Variants in PLB1 observed in about 807,000 individuals in gnomAD.
The protein encoded by PLB1 is phospholipase B1, membrane-associated.
Under a neutral mutation model 227.4 loss-of-function variants are expected in PLB1, and 242 were observed. The observed-to-expected ratio is 1.06, with a 90% confidence interval of 0.96 to 1.18. The LOEUF (loss-of-function observed/expected upper bound fraction) is 1.18, where lower values mean the gene tolerates loss of function less well. Ranked by LOEUF, PLB1 falls within the 50% of genes most tolerant of loss-of-function variation. The probability of loss-of-function intolerance (pLI) is 0.00; values close to 1 mark genes in which losing one functional copy is unlikely to be tolerated. For missense variants in PLB1, 1,858 were observed against 1,816.3 expected (o/e 1.02, Z -0.42); for synonymous variants, 757 against 682.2 (o/e 1.11, Z -1.71).
chr2:28,574,344 C>G (rs547923496), intron 21 of PLB1, among the ~76,000 whole-genome samples: 1 of 125,236 alleles, frequency 8.0e-6, no homozygotes, highest in African/African-American at 2.7e-5. Flanking sequence ...TCACCCCCCC[C>G]ACCCTTCCTC....
At chr2:28,544,161 G>T (rs918145732) in intron 14 of PLB1, among the ~76,000 whole-genome samples, 4 of 152,044 alleles carry the variant, frequency 2.6e-5, no homozygotes, top group African/African-American at 9.7e-5. Flanking sequence ...GAGGGAAGGG[G>T]CACGGCCTCC....
At chr2:28,574,001 C>T (rs761795289) in intron 21 of PLB1, among the ~76,000 whole-genome samples, 15 of 152,206 alleles carry the variant, frequency 9.9e-5, no homozygotes, top group Admixed American at 9.2e-4. Flanking sequence ...TCCCTGGGCA[C>T]GGCCAGGCCG....
At chr2:28,606,435 A>G in intron 42 of PLB1, 61 bp from the exon 43 acceptor site, 2 of 1,507,398 alleles carry the variant, frequency 1.3e-6, no homozygotes, top group African/African-American at 2.8e-5. Context: ...TCTGCCAGGG[A>G]ATGTTCACTT....
chr2:28,519,431 G>A (rs1423395775), intron 3 of PLB1, among the ~76,000 whole-genome samples: 1 of 152,200 alleles, frequency 6.6e-6, no homozygotes, highest in Non-Finnish European at 1.5e-5. Flanking sequence ...GAAAATGAAG[G>A]CCATGAGTGA....
intron 26 of PLB1, among the ~76,000 whole-genome samples, chr2:28,587,732 C>T (rs1351896662): frequency 5.3e-5 from 8 of 152,194 alleles, no homozygotes; most frequent in Admixed American, 5.2e-4. Context: ...GATGTTTTGC[C>T]ATCCCTGACA....
At chr2:28,603,286 A>T (rs1407230540) in intron 39 of PLB1, among the ~76,000 whole-genome samples, 1 of 152,208 alleles carries the variant, frequency 6.6e-6, no homozygotes, top group Non-Finnish European at 1.5e-5. Context: ...GGTACAAGCA[A>T]CTCAGTTACC....
At position 28,606,575 on chromosome 2, in the gene PLB1, G is replaced by A. The variant is rs751779494; in HGVS notation, c.3129+8G>A. On this transcript the variant is annotated splice_region_variant and intron_variant, in intron 43 of 57. Transcript: ENST00000327757. Reference sequence around the variant, plus strand: ...ATCACCTGTCCCACTCAGGTAGTAGGGGAGGACCTGCCTGGCTCCTCTCCA... The same window carrying A: ...ATCACCTGTCCCACTCAGGTAGTAGAGGAGGACCTGCCTGGCTCCTCTCCA... 1.2e-6 allele frequency: 2 copies of A among 1,613,634 alleles called. No individual in the cohort carries two copies. Among genetic ancestry groups the A allele is most frequent in the South Asian group, 2.2e-5 (2 of 91,058 alleles).
intron 54 of PLB1, 68 bp from the exon 55 acceptor site, chr2:28,631,968 C>A: frequency 7.5e-7 from 1 of 1,330,182 alleles, no homozygotes; most frequent in Non-Finnish European, 1.1e-6. Context: ...CAATCCAAGG[C>A]AGCAGGACTG....
intron 18 of PLB1, among the ~76,000 whole-genome samples, chr2:28,563,418 G>GGT (rs1291639954): frequency 1.3e-5 from 2 of 152,104 alleles, no homozygotes; most frequent in Non-Finnish European, 2.9e-5. Context: ...GCTGGTCAGC[G>GGT]GTGGGGCAGG....
intron 20 of PLB1, among the ~76,000 whole-genome samples, chr2:28,568,200 A>G (rs1677379587): frequency 6.6e-6 from 1 of 152,140 alleles, no homozygotes; most frequent in African/African-American, 2.4e-5. Flanking sequence ...CAGTTCCTCT[A>G]TTGCTAGGAG....
intron 56 of PLB1, among the ~76,000 whole-genome samples, chr2:28,636,755 AAC>A (rs1299550906): frequency 6.6e-6 from 1 of 152,170 alleles, no homozygotes; most frequent in Non-Finnish European, 1.5e-5. Context: ...AACAAACTTC[AAC>A]AACATACAAT....
chr2:28,577,985 ATTTT>A lies in PLB1; in HGVS notation c.1434-121_1434-118del, dbSNP rs1197683759. Reference sequence around the variant, plus strand: ...AGCTCTGCGACACGGCCTTCAGTCCATTTTCCTGCAGGAGGCCCACCCTGGGCCT... The same window carrying A: ...AGCTCTGCGACACGGCCTTCAGTCCACCTGCAGGAGGCCCACCCTGGGCCT... On this transcript the variant is annotated intron_variant, in intron 21 of 57. Coordinates refer to ENST00000327757, the MANE Select transcript of PLB1 (RefSeq NM_153021.5). 8 of 914,538 alleles carry A rather than the reference ATTTT, an allele frequency of 8.7e-6. No individual in the cohort carries two copies. The African/African-American group carries it at 1.3e-4, about 15-fold the overall frequency. 56.7% of individuals were successfully genotyped at this position (914,538 alleles called of 1,614,324 possible). A position where few individuals can be genotyped will look rare whatever the true frequency, so the allele number is the denominator to read the frequency against.
intron 38 of PLB1, among the ~76,000 whole-genome samples, chr2:28,602,592 C>T (rs1448993045): frequency 6.6e-6 from 1 of 152,228 alleles, no homozygotes; most frequent in East Asian, 1.9e-4. Context: ...TTTATTGTCC[C>T]ACTCCAGGAG....
At chr2:28,598,106 C>T (rs1683263477) in intron 34 of PLB1, 58 bp downstream of exon 34, 12 of 1,486,488 alleles carry the variant, frequency 8.1e-6, no homozygotes, top group Non-Finnish European at 1.1e-5. Context: ...GGCCCCTTGG[C>T]TTCCCGAAAG....
At chr2:28,601,877 C>T (rs1683962754) in intron 37 of PLB1, 22 bp from the exon 38 acceptor site, 1 of 1,577,418 alleles carries the variant, frequency 6.3e-7, no homozygotes, top group Non-Finnish European at 8.7e-7. Flanking sequence ...TCCTCCTTTT[C>T]CTCCTTCCTG....
chr2:28,554,852 T>C (rs1182129430), intron 17 of PLB1, among the ~76,000 whole-genome samples: 2 of 152,088 alleles, frequency 1.3e-5, no homozygotes, highest in Non-Finnish European at 2.9e-5. Flanking sequence ...AAGATTAGTG[T>C]GTTTATCAGT....
intron 56 of PLB1, among the ~76,000 whole-genome samples, chr2:28,633,846 A>G (rs2148344615): frequency 6.6e-6 from 1 of 152,324 alleles, no homozygotes; most frequent in South Asian, 2.1e-4. Flanking sequence ...GGGTAACACA[A>G]TCCCCACCCC....
At chr2:28,618,477 A>G in intron 46 of PLB1, 78 bp downstream of exon 46, 3 of 1,451,112 alleles carry the variant, frequency 2.1e-6, no homozygotes, top group East Asian at 2.3e-5. Context: ...CTTCCCCAGC[A>G]TTGGCTCCGC....
chr2:28,597,727 T>G (rs973131316), intron 33 of PLB1, among the ~76,000 whole-genome samples: 1 of 152,222 alleles, frequency 6.6e-6, no homozygotes, highest in African/African-American at 2.4e-5. Context: ...ATCTAGTGCA[T>G]GTCTGGGCAC....
Sources: allele counts gnomAD v4.1 joint callset (sites outside exome capture counted in the v4.1 genomes callset), GRCh38; gene constraint gnomAD v4.1.1; transcripts MANE v1.5; gene names NCBI Gene and HGNC (gene_info 2026-07-23, HGNC 2026-07-21).